SRPK1: variants seen among roughly 807,000 people sequenced by gnomAD.
SRPK1 encodes the protein SRSF protein kinase 1, also known as SFRS protein kinase 1.
In SRPK1, 52 loss-of-function variants were observed where a neutral mutation model predicts 89.5. That is an observed-to-expected ratio of 0.58 (90% CI 0.46 to 0.73). The LOEUF (loss-of-function observed/expected upper bound fraction) is 0.73, where lower values mean the gene tolerates loss of function less well. Ranked by LOEUF, SRPK1 falls within the 30% of genes least tolerant of loss-of-function variation. The probability of loss-of-function intolerance (pLI) is 0.00; values close to 1 mark genes in which losing one functional copy is unlikely to be tolerated. For synonymous variants in SRPK1, 255 were observed against 270.2 expected, an observed-to-expected ratio of 0.94 and a Z score of 0.55; for missense variants, 603 against 780.6, an observed-to-expected ratio of 0.77 and a Z score of 2.71.
In SRPK1 at chr6:35,921,082, C is replaced by T. The variant is rs1015939519; in HGVS notation, c.-26G>A. The stretch of plus-strand genomic sequence containing the variant: ...GGTGAGACCGGTAATCGCCAGGCGC[C>T]TGCGCACTCGAGTGGCGGCGACTCC... On this transcript the variant is annotated 5_prime_UTR_variant, in exon 1 of 16. Transcript: ENST00000373825. 5 of 1,498,480 alleles carry T rather than the reference C, an allele frequency of 3.3e-6. No homozygotes were observed. The African/African-American group carries it at 4.3e-5, about 13-fold the overall frequency. The allele number at this position is 1,498,480 out of a possible 1,614,324, so 92.8% of individuals were successfully genotyped here.
In SRPK1 at chr6:35,888,914, T is replaced by C; in HGVS notation, c.203A>G (p.His68Arg). ...DPNDYCKGGYHLVKIGDLFNG... is the reference protein window; with the variant it reads ...DPNDYCKGGYRLVKIGDLFNG... ...GAATAGATCTCCAATTTTCACAAGA[T>C]GATAACCTCCTGGAAGAAACAGGGG... is the stretch of plus-strand genomic sequence containing the variant. Residue 68 changes from histidine (H) to arginine (R), a missense_variant, in exon 4 of 16, where the codon CAT becomes CGT. His to Arg is a conservative substitution (Grantham distance 29). Coordinates refer to ENST00000373825, the MANE Select transcript of SRPK1 (RefSeq NM_003137.5). The C allele has an allele frequency of 6.2e-7, 1 of 1,609,322 alleles. No homozygotes were observed. Among genetic ancestry groups the C allele is most frequent in the Non-Finnish European group, 8.5e-7 (1 of 1,175,878 alleles).
At chr6:35,842,841 T>C (rs1341062058) in intron 13 of SRPK1, among the ~76,000 whole-genome samples, 1 of 152,098 alleles carries the variant, frequency 6.6e-6, no homozygotes, top group African/African-American at 2.4e-5. Flanking sequence ...ATGTGGGTTA[T>C]TTCATGCCCA....
At chr6:35,838,632 T>C in intron 14 of SRPK1, 2 of 1,556,036 alleles carry the variant, frequency 1.3e-6, no homozygotes, top group Non-Finnish European at 1.7e-6. Flanking sequence ...GTGGATTCAG[T>C]GATAACTAAA....
At chr6:35,902,435 T>C (rs1312659921) in intron 2 of SRPK1, among the ~76,000 whole-genome samples, 1 of 149,986 alleles carries the variant, frequency 6.7e-6, no homozygotes, top group Non-Finnish European at 1.5e-5. Context: ...AAAATAATAA[T>C]AAAATAAAAA....
At position 35,834,575 on chromosome 6, in the gene SRPK1, GA is replaced by G. The variant is rs1769136025; in HGVS notation, c.*728del. ...GGGTAATAGAAGACATACAGGAAAGGACTGTTTATAGAACACCTGAGGTTCT... is the reference window on the plus strand; with the variant it reads ...GGGTAATAGAAGACATACAGGAAAGGCTGTTTATAGAACACCTGAGGTTCT... On this transcript the variant is annotated 3_prime_UTR_variant, in exon 16 of 16. Coordinates refer to ENST00000373825, the MANE Select transcript of SRPK1 (RefSeq NM_003137.5). The G allele has an allele frequency of 6.6e-6, 1 of 152,226 alleles. No homozygotes were observed. The highest frequency in any genetic ancestry group is 1.9e-4 in the East Asian group (1 of 5,176). The allele number at this position is 152,226 out of a possible 1,614,324, so 9.4% of individuals were successfully genotyped here. A position where few individuals can be genotyped will look rare whatever the true frequency, so the allele number is the denominator to read the frequency against.
rs142345204 is a variant in SRPK1 at position 35,843,217 on chromosome 6, C to G, written c.1621-613G>C. Reference sequence around the variant, plus strand: ...TCTCCTGACCTCGTGATCTGCCAACCTTGGCCTCCCAAAGTGCTGGGATTA... The same window carrying G: ...TCTCCTGACCTCGTGATCTGCCAACGTTGGCCTCCCAAAGTGCTGGGATTA... On this transcript the variant is annotated intron_variant, in intron 13 of 15. Coordinates refer to ENST00000373825, the MANE Select transcript of SRPK1 (RefSeq NM_003137.5). Among the ~76,000 whole-genome samples the G allele has an allele frequency of 4.3e-3, 654 of 151,944 alleles. 1 individual carries two copies. Among genetic ancestry groups the G allele is most frequent in the Admixed American group, 7.8e-3 (119 of 15,250 alleles).
intron 12 of SRPK1, among the ~76,000 whole-genome samples, chr6:35,863,146 G>A (rs1296430137): frequency 1.3e-5 from 2 of 151,872 alleles, no homozygotes; most frequent in Non-Finnish European, 2.9e-5. Context: ...GTGAGACAAT[G>A]TTTCAAATAA....
intron 6 of SRPK1, among the ~76,000 whole-genome samples, chr6:35,875,928 T>C (rs1002676311): frequency 5.3e-5 from 8 of 152,106 alleles, no homozygotes; most frequent in East Asian, 1.9e-4. Flanking sequence ...ATGTGCCTTC[T>C]AATGCAATAT....
At chr6:35,891,715 G>A (rs1290118897) in intron 2 of SRPK1, among the ~76,000 whole-genome samples, 7 of 137,166 alleles carry the variant, frequency 5.1e-5, no homozygotes, top group East Asian at 2.1e-4. Flanking sequence ...CAACAAGAGC[G>A]AAACTCTGTC....
intron 15 of SRPK1, 74 bp from the exon 16 acceptor site, chr6:35,835,562 C>T (rs1321914710): frequency 1.5e-6 from 2 of 1,368,098 alleles, no homozygotes; most frequent in East Asian, 2.4e-5. Flanking sequence ...TGGAAACCCA[C>T]AAACTAACCC....
intron 6 of SRPK1, among the ~76,000 whole-genome samples, chr6:35,877,031 T>C (rs1201231424): frequency 4.6e-5 from 7 of 152,114 alleles, no homozygotes; most frequent in African/African-American, 9.7e-5. Context: ...GCAAAGCACA[T>C]GTGTGTGAGG....
chr6:35,880,588 G>A (rs193003498), intron 6 of SRPK1, among the ~76,000 whole-genome samples: 2 of 151,280 alleles, frequency 1.3e-5, no homozygotes, highest in Non-Finnish European at 3.0e-5. Context: ...TGCGTGTGGT[G>A]GTGTACACCT....
chr6:35,880,756 G>GAAAAAAAAAAAAAAAAAA (rs1770266795), intron 6 of SRPK1, among the ~76,000 whole-genome samples: 1 of 40,182 alleles, frequency 2.5e-5, no homozygotes, highest in African/African-American at 1.4e-4. Flanking sequence ...AAAAAGAAAA[G>GAAAAAAAAAAAAAAAAAA]AAAAGAAGAA....
intron 11 of SRPK1, 42 bp from the exon 12 acceptor site, chr6:35,869,152 A>G (rs1181988950): frequency 3.4e-6 from 5 of 1,489,396 alleles, no homozygotes; most frequent in East Asian, 4.6e-5. Context: ...TTCAATGAAC[A>G]GAGAAATACT....
rs138902577 is a variant in SRPK1, at chr6:35,881,927, C to T, written c.478+4797G>A. 1.7e-3 allele frequency among the ~76,000 whole-genome samples: 263 copies of T among 152,002 alleles called. 6 individuals are homozygous for T. In the South Asian group the frequency reaches 0.026, roughly 15 times the overall value. On this transcript the variant is annotated intron_variant, in intron 6 of 15. Coordinates refer to ENST00000373825, the MANE Select transcript of SRPK1 (RefSeq NM_003137.5). ...TAATAGCCATTTAACAGGTATAGAG[C>T]TTCAGTTTTACAAGATGAAAAGTTA...
intron 12 of SRPK1, among the ~76,000 whole-genome samples, chr6:35,867,301 G>C (rs1037507870): frequency 6.6e-6 from 1 of 152,158 alleles, no homozygotes; most frequent in South Asian, 2.1e-4. Flanking sequence ...ATAGCGTAGT[G>C]GAGTAATTCT....
rs1769140898 is a variant in SRPK1, at chr6:35,834,819, AG to A, written c.*484del. 6.6e-6 allele frequency: 1 copy of A among 152,550 alleles called. No individual in the cohort carries two copies. The highest frequency in any genetic ancestry group is 2.1e-4 in the South Asian group (1 of 4,828). 9.4% of individuals were successfully genotyped at this position (152,550 alleles called of 1,614,324 possible). A position where few individuals can be genotyped will look rare whatever the true frequency, so the allele number is the denominator to read the frequency against. On this transcript the variant is annotated 3_prime_UTR_variant, in exon 16 of 16. Coordinates refer to ENST00000373825, the MANE Select transcript of SRPK1 (RefSeq NM_003137.5). ...ACACAGAGAACAACAGAAACAGTCC[AG>A]GAAGATGATGCAGCCCGGACACAGC...
At chr6:35,876,895 G>A (rs1462690330) in intron 6 of SRPK1, among the ~76,000 whole-genome samples, 2 of 152,152 alleles carry the variant, frequency 1.3e-5, no homozygotes, top group African/African-American at 2.4e-5. Context: ...GAATCAATGG[G>A]AGCTGAGAGT....
At chr6:35,835,576 T>C (rs1484365721) in intron 15 of SRPK1, 88 bp from the exon 16 acceptor site, 21 of 1,277,434 alleles carry the variant, frequency 1.6e-5, no homozygotes, top group Non-Finnish European at 6.4e-6. Flanking sequence ...CTAACCCATG[T>C]AGTCTATGAG....
Sources: allele counts gnomAD v4.1 joint callset (sites outside exome capture counted in the v4.1 genomes callset), GRCh38; gene constraint gnomAD v4.1.1; transcripts MANE v1.5; gene names NCBI Gene and HGNC (gene_info 2026-07-23, HGNC 2026-07-21).